GPR39: variants seen among roughly 807,000 people sequenced by gnomAD.
The protein encoded by GPR39 is zinc sensing receptor.
In GPR39, 23 loss-of-function variants were observed where a neutral mutation model predicts 18.4. The ratio of observed to expected loss-of-function variants is 1.25; its 90% CI spans 0.90 to 1.77. The LOEUF (loss-of-function observed/expected upper bound fraction) is 1.77, where lower values mean the gene tolerates loss of function less well. Ranked by LOEUF, GPR39 falls within the 40% of genes most tolerant of loss-of-function variation. The pLI is 0.00. For missense variants in GPR39, 647 were observed against 602.4 expected, an observed-to-expected ratio of 1.07 and a Z score of -0.78; for synonymous variants, 280 against 257.9, an observed-to-expected ratio of 1.09 and a Z score of -0.82.
intron 1 of GPR39, among the ~76,000 whole-genome samples, chr2:132,589,211 G>GT (rs66509721): frequency 0.18 from 27,698 of 151,950 alleles, 2,653 homozygotes; most frequent in African/African-American, 0.25. Flanking sequence ...TTCTGGCCAT[G>GT]TCCCCCCCTC....
intron 1 of GPR39, among the ~76,000 whole-genome samples, chr2:132,519,621 A>G (rs1679388517): frequency 6.6e-6 from 1 of 152,164 alleles, no homozygotes. Flanking sequence ...GGAGACCCTT[A>G]TACACTAATG....
intron 1 of GPR39, among the ~76,000 whole-genome samples, chr2:132,548,989 T>C (rs1375859289): frequency 6.6e-6 from 1 of 152,200 alleles, no homozygotes; most frequent in African/African-American, 2.4e-5. Context: ...TGTGTGTGTA[T>C]GTGTATATGT....
chr2:132,572,080 G>T (rs528025483), intron 1 of GPR39, among the ~76,000 whole-genome samples: 1 of 152,248 alleles, frequency 6.6e-6, no homozygotes, highest in Non-Finnish European at 1.5e-5. Context: ...CTCCTCCCCA[G>T]CCAGGAGAAC....
In GPR39 at chr2:132,633,098, G is replaced by A. The variant is rs79070473; in HGVS notation, c.857-12003G>A. On this transcript the variant is annotated intron_variant, in intron 1 of 1. Coordinates refer to ENST00000329321, the MANE Select transcript of GPR39 (RefSeq NM_001508.3). ...TAAAGAAGCAAGGTCAAGGTCATGT[G>A]GAAAGGTATTTTTGGCCAATTAACC... Among the ~76,000 whole-genome samples the A allele has an allele frequency of 5.8e-3, 882 of 152,220 alleles. 18 individuals carry two copies. The highest frequency in any genetic ancestry group is 0.035 in the Admixed American group (535 of 15,280).
At chr2:132,502,015 G>A (rs1243732986) in intron 1 of GPR39, among the ~76,000 whole-genome samples, 1 of 152,156 alleles carries the variant, frequency 6.6e-6, no homozygotes, top group Non-Finnish European at 1.5e-5. Context: ...CTTGCTTGGT[G>A]AATTCTTATT....
At chr2:132,522,767 A>G (rs2104768181) in intron 1 of GPR39, among the ~76,000 whole-genome samples, 1 of 152,336 alleles carries the variant, frequency 6.6e-6, no homozygotes, top group East Asian at 1.9e-4. Context: ...CAGGAAGCAG[A>G]GCCTCCTTCC....
At chr2:132,496,437 C>T (rs1380999804) in intron 1 of GPR39, among the ~76,000 whole-genome samples, 2 of 152,138 alleles carry the variant, frequency 1.3e-5, no homozygotes, top group South Asian at 2.1e-4. Flanking sequence ...AGTGCCTGGT[C>T]CCCTCCCAAA....
chr2:132,610,832 C>T (rs978295385), intron 1 of GPR39, among the ~76,000 whole-genome samples: 38 of 150,660 alleles, frequency 2.5e-4, no homozygotes, highest in Non-Finnish European at 4.7e-4. Context: ...CACCTTGGAG[C>T]TCTGTCATCA....
At chr2:132,497,884 A>G (rs990846180) in intron 1 of GPR39, among the ~76,000 whole-genome samples, 1 of 152,158 alleles carries the variant, frequency 6.6e-6, no homozygotes, top group Non-Finnish European at 1.5e-5. Flanking sequence ...CAGAGAATAT[A>G]TTACCAAAGA....
At chr2:132,469,477 G>C (rs1680990076) in intron 1 of GPR39, among the ~76,000 whole-genome samples, 1 of 152,204 alleles carries the variant, frequency 6.6e-6, no homozygotes, top group Admixed American at 6.5e-5. Context: ...GCCTCTGCAG[G>C]CCATGTGTAA....
chr2:132,591,285 A>AAAAAC (rs1680838269), intron 1 of GPR39, among the ~76,000 whole-genome samples: 1 of 148,180 alleles, frequency 6.7e-6, no homozygotes. Flanking sequence ...AAACAAAAAA[A>AAAAAC]AACAGAGGAA....
chr2:132,417,171 G>C lies in GPR39; in HGVS notation c.129G>C (p.Met43Ile). 6.2e-7 allele frequency: 1 copy of C among 1,614,146 alleles called. No individual in the cohort carries two copies. Among genetic ancestry groups the C allele is most frequent in the Non-Finnish European group, 8.5e-7 (1 of 1,180,026 alleles). The change falls in exon 1 of 2, where the codon ATG becomes ATC. Residue 43 changes from methionine (M) to isoleucine (I), a missense_variant. Met to Ile is a conservative substitution (Grantham distance 10). Transcript: ENST00000329321. ...TGGTGTACCTGATCATCTTCGTGAT[G>C]GGCCTTCTGGGGAACAGCGCCACCA... ...LILVYLIIFV[M>I]GLLGNSATIR...
Position 132,527,248 on chromosome 2 carries a change from T to C in GPR39, c.856+109350T>C, listed in dbSNP as rs184483580. Among the ~76,000 whole-genome samples the C allele has an allele frequency of 4.6e-3, 695 of 152,350 alleles. 4 individuals are homozygous for C. Among genetic ancestry groups the C allele is most frequent in the African/African-American group, 0.015 (638 of 41,584 alleles). ...GGATGATGGCTTCCAGCTTCATCCATGTCCCTGCAAAGGACATGTTCTCAT... is the reference window on the plus strand; with the variant it reads ...GGATGATGGCTTCCAGCTTCATCCACGTCCCTGCAAAGGACATGTTCTCAT... On this transcript the variant is annotated intron_variant, in intron 1 of 1. Coordinates refer to ENST00000329321, the MANE Select transcript of GPR39 (RefSeq NM_001508.3).
chr2:132,626,016 C>A (rs185274903), intron 1 of GPR39, among the ~76,000 whole-genome samples: 1 of 151,478 alleles, frequency 6.6e-6, no homozygotes, highest in African/African-American at 2.4e-5. Context: ...AGGAGAATGG[C>A]GTGAACCTGG....
At chr2:132,548,948 G>A (rs1258861413) in intron 1 of GPR39, among the ~76,000 whole-genome samples, 1 of 152,204 alleles carries the variant, frequency 6.6e-6, no homozygotes, top group Admixed American at 6.5e-5. Flanking sequence ...GAATTGGCCA[G>A]GTTCCCCTGT....
intron 1 of GPR39, among the ~76,000 whole-genome samples, chr2:132,512,576 A>G (rs986966265): frequency 3.3e-5 from 5 of 152,190 alleles, no homozygotes; most frequent in African/African-American, 4.8e-5. Flanking sequence ...TTTATCAGCT[A>G]TGTGACCTCA....
chr2:132,627,427 A>C (rs12185650), intron 1 of GPR39, among the ~76,000 whole-genome samples: 26,920 of 152,196 alleles, frequency 0.18, 2,513 homozygotes, highest in Middle Eastern at 0.24. Flanking sequence ...CTTTGTCTTT[A>C]CCTCAAACCC....
Position 132,585,956 on chromosome 2 carries a change from T to TTTTTG in GPR39, c.857-59141_857-59140insGTTTT, listed in dbSNP as rs1295904082. ...TTCTCGAAGCATCCCCGGTTTTTTTTTTTTTTTTTTTTTTTTAATGCCCCA... is the reference window on the plus strand; with the variant it reads ...TTCTCGAAGCATCCCCGGTTTTTTTTTTTTGTTTTTTTTTTTTTTTTAATGCCCCA... On this transcript the variant is annotated intron_variant, in intron 1 of 1. Transcript: ENST00000329321. 5.1e-3 allele frequency among the ~76,000 whole-genome samples: 708 copies of TTTTTG among 139,484 alleles called. 14 individuals carry two copies. Among genetic ancestry groups the TTTTTG allele is most frequent in the Non-Finnish European group, 7.1e-3 (462 of 64,644 alleles). 91.5% of individuals were successfully genotyped at this position (139,484 alleles called of 152,430 possible).
At chr2:132,549,680 C>T (rs142357800) in intron 1 of GPR39, among the ~76,000 whole-genome samples, 4 of 151,866 alleles carry the variant, frequency 2.6e-5, no homozygotes, top group South Asian at 2.1e-4. Context: ...CCCAGCTACT[C>T]GGGAGGCTGA....
Sources: gnomAD v4.1 joint callset for allele counts (sites outside exome capture counted in the v4.1 genomes callset) on GRCh38, gnomAD v4.1.1 for gene constraint, MANE v1.5 for transcripts, NCBI Gene and HGNC (gene_info 2026-07-23, HGNC 2026-07-21) for gene names.